The following PRKN variants were observed in gnomAD, a reference collection of about 807,000 sequenced individuals.
PRKN encodes parkin RBR E3 ubiquitin protein ligase.
Under a neutral mutation model 59.5 loss-of-function variants are expected in PRKN, and 56 were observed. The observed-to-expected ratio is 0.94, with a 90% CI of 0.76 to 1.18. PRKN has a LOEUF of 1.18. Among genes scored for constraint, PRKN ranks in the 50% most tolerant of loss-of-function variants. The pLI, the probability that PRKN is intolerant of heterozygous loss-of-function variation, is 0.00. For missense variants in PRKN, 657 were observed against 596.4 expected (o/e 1.10, Z -1.06); for synonymous variants, 250 against 222.1 (o/e 1.13, Z -1.12).
intron 9 of PRKN, among the ~76,000 whole-genome samples, chr6:161,528,131 C>T (rs1474426064): frequency 1.3e-5 from 2 of 152,136 alleles, no homozygotes; most frequent in African/African-American, 4.8e-5. Context: ...TTAAAGTAAT[C>T]CTCAGGGGAA....
At chr6:161,863,655 G>A (rs1271230560) in intron 6 of PRKN, among the ~76,000 whole-genome samples, 34 of 152,116 alleles carry the variant, frequency 2.2e-4, no homozygotes, top group Admixed American at 2.2e-3. Context: ...GCTCAAGAAT[G>A]AAAATCTCTA....
At chr6:162,714,528 CT>C (rs897705801) in intron 1 of PRKN, among the ~76,000 whole-genome samples, 2 of 152,180 alleles carry the variant, frequency 1.3e-5, no homozygotes, top group African/African-American at 4.8e-5. Flanking sequence ...TAAATACCCC[CT>C]GACTTTGGCC....
At chr6:162,072,841 G>A (rs1052673372) in intron 4 of PRKN, among the ~76,000 whole-genome samples, 6 of 152,170 alleles carry the variant, frequency 3.9e-5, no homozygotes, top group African/African-American at 1.4e-4. Flanking sequence ...AGTTAAATGA[G>A]ATAAAGTAGT....
At chr6:161,652,733 T>C (rs1048141714) in intron 7 of PRKN, among the ~76,000 whole-genome samples, 1 of 152,194 alleles carries the variant, frequency 6.6e-6, no homozygotes, top group South Asian at 2.1e-4. Context: ...TCTCTAGCTA[T>C]TTATGTGACT....
rs1201285203 is a variant in PRKN, at chr6:161,446,447, C to A, written c.1084-59570G>T. Reference sequence around the variant, plus strand: ...TGTGGGAGGGGAAAGGCCCTCCCCGCTACCAGATGCAGACTCTGGTGCCCT... The same window carrying A: ...TGTGGGAGGGGAAAGGCCCTCCCCGATACCAGATGCAGACTCTGGTGCCCT... On this transcript the variant is annotated intron_variant, in intron 9 of 11. Transcript: ENST00000366898. This position sits in a 1 kb window ranked among gnomAD's most constrained non-coding sequence, Gnocchi z 6.2. Among the ~76,000 whole-genome samples, 1 of 152,096 alleles carries A rather than the reference C, an allele frequency of 6.6e-6. No homozygotes were observed. The highest frequency in any genetic ancestry group is 2.4e-5 in the African/African-American group (1 of 41,414).
chr6:162,103,081 T>C (rs1406181021), intron 4 of PRKN, among the ~76,000 whole-genome samples: 5 of 151,240 alleles, frequency 3.3e-5, no homozygotes, highest in Admixed American at 2.6e-4. Context: ...ATACATAACT[T>C]GAATGAAAAT....
intron 3 of PRKN, among the ~76,000 whole-genome samples, chr6:162,232,872 T>C (rs189209103): frequency 9.2e-5 from 14 of 152,238 alleles, no homozygotes; most frequent in African/African-American, 3.4e-4. Flanking sequence ...TTAATACAGA[T>C]TGGAGAATTT....
In PRKN at chr6:161,414,208, G is replaced by C. The variant is rs1213726897; in HGVS notation, c.1084-27331C>G. Among the ~76,000 whole-genome samples, 1 of 152,208 alleles carries C rather than the reference G, an allele frequency of 6.6e-6. No homozygotes were observed. Among genetic ancestry groups the C allele is most frequent in the African/African-American group, 2.4e-5 (1 of 41,448 alleles). On this transcript the variant is annotated intron_variant, in intron 9 of 11. Transcript: ENST00000366898. The surrounding 1 kb of genome is among the most constrained non-coding windows in gnomAD (Gnocchi z 5.3). The stretch of plus-strand genomic sequence containing the variant: ...CTCAATCTCCATGCACAATTTTGCA[G>C]AAGAGGCTCTTTCCAGCATTTTCTC...
chr6:162,366,112 G>A (rs953451555), intron 2 of PRKN, among the ~76,000 whole-genome samples: 1 of 152,150 alleles, frequency 6.6e-6, no homozygotes. Context: ...TATGGCAACG[G>A]CCCTTTTCCC....
rs185988909 is a variant in PRKN, at chr6:161,593,705, G to A, written c.872-24289C>T. 3.8e-4 allele frequency among the ~76,000 whole-genome samples: 58 copies of A among 152,308 alleles called. No homozygotes were observed. The highest frequency in any genetic ancestry group is 1.1e-3 in the African/African-American group (46 of 41,560). On this transcript the variant is annotated intron_variant, in intron 7 of 11. Transcript: ENST00000366898. The surrounding 1 kb of genome is among the most constrained non-coding windows in gnomAD (Gnocchi z 4.8). ...GAGTAGGAAGACTGGGGAAGAGCGAGAGAGGGCTCGAGGAGTTCTGCTTCG... is the reference window on the plus strand; with the variant it reads ...GAGTAGGAAGACTGGGGAAGAGCGAAAGAGGGCTCGAGGAGTTCTGCTTCG...
intron 1 of PRKN, among the ~76,000 whole-genome samples, chr6:162,658,498 C>T (rs566523640): frequency 9.6e-4 from 146 of 151,558 alleles, no homozygotes; most frequent in African/African-American, 3.4e-3. Flanking sequence ...CCCGTCTCTA[C>T]AAATATAAAA....
intron 1 of PRKN, among the ~76,000 whole-genome samples, chr6:162,481,622 T>C (rs1792315613): frequency 2.0e-5 from 3 of 152,204 alleles, no homozygotes. Context: ...GTGCCATTAG[T>C]GCCAGAAACA....
At chr6:161,945,479 T>TG (rs1779744629) in intron 6 of PRKN, among the ~76,000 whole-genome samples, 1 of 152,204 alleles carries the variant, frequency 6.6e-6, no homozygotes, top group Admixed American at 6.5e-5. Flanking sequence ...AAGCCCCAGT[T>TG]GGGAAAATTA....
At chr6:162,666,931 T>C (rs1779125540) in intron 1 of PRKN, among the ~76,000 whole-genome samples, 1 of 152,238 alleles carries the variant, frequency 6.6e-6, no homozygotes, top group Non-Finnish European at 1.5e-5. Context: ...GGAATACAGA[T>C]GACGTATTCA....
In PRKN at chr6:161,546,293, C is replaced by A. The variant is rs1446992894; in HGVS notation, c.1083+2561G>T. The stretch of plus-strand genomic sequence containing the variant: ...ATACCCTATTTTAGAGATAAGGAAA[C>A]CGAGAAAGATGAAAACCACAAGTAG... On this transcript the variant is annotated intron_variant, in intron 9 of 11. Coordinates refer to ENST00000366898, the MANE Select transcript of PRKN (RefSeq NM_004562.3). This position sits in a 1 kb window ranked among gnomAD's most constrained non-coding sequence, Gnocchi z 4.4. 6.6e-6 allele frequency among the ~76,000 whole-genome samples: 1 copy of A among 152,004 alleles called. No homozygotes were observed. Among genetic ancestry groups the A allele is most frequent in the Non-Finnish European group, 1.5e-5 (1 of 68,014 alleles).
At chr6:161,724,304 T>C (rs917552006) in intron 7 of PRKN, among the ~76,000 whole-genome samples, 63 of 152,172 alleles carry the variant, frequency 4.1e-4, no homozygotes, top group Non-Finnish European at 4.9e-4. Flanking sequence ...CTTTCTAAAT[T>C]TGAAAGGATA....
chr6:162,278,056 GACAT>G (rs1197080522), intron 2 of PRKN, among the ~76,000 whole-genome samples: 2 of 152,136 alleles, frequency 1.3e-5, no homozygotes, highest in Admixed American at 6.5e-5. Context: ...TAAAGTATCA[GACAT>G]ACAGATCATG....
At chr6:162,429,957 G>A (rs889343287) in intron 2 of PRKN, among the ~76,000 whole-genome samples, 1 of 152,082 alleles carries the variant, frequency 6.6e-6, no homozygotes, top group African/African-American at 2.4e-5. Context: ...GCAAATAATT[G>A]TAATTCTAAA....
intron 1 of PRKN, among the ~76,000 whole-genome samples, chr6:162,663,890 T>C (rs920917259): frequency 2.6e-5 from 4 of 152,168 alleles, no homozygotes; most frequent in Non-Finnish European, 5.9e-5. Flanking sequence ...TTTTTCATTT[T>C]ATTTTTTGAA....
Sources: gnomAD v4.1 joint callset for allele counts (sites outside exome capture counted in the v4.1 genomes callset) on GRCh38, gnomAD v4.1.1 for gene constraint, Gnocchi (gnomAD v3.1) non-coding constraint, MANE v1.5 for transcripts, NCBI Gene and HGNC (gene_info 2026-07-23, HGNC 2026-07-21) for gene names.